The following TASP1 variants were observed in gnomAD, a reference collection of about 807,000 sequenced individuals.
TASP1 encodes the protein taspase 1.
In TASP1, 16 loss-of-function variants were observed where a neutral mutation model predicts 56.6. The observed-to-expected ratio is 0.28, with a 90% confidence interval of 0.19 to 0.43. The LOEUF (loss-of-function observed/expected upper bound fraction) is 0.43, where lower values mean the gene tolerates loss of function less well. TASP1 is among the 20% of genes least tolerant of loss of function. TASP1 has a pLI of 1.00. For synonymous variants in TASP1, 179 were observed against 184.2 expected (o/e 0.97, Z 0.23); for missense variants, 393 against 511.6 (o/e 0.77, Z 2.24).
chr20:13,241,729 C>A, the TASP1 span, among the ~76,000 whole-genome samples: 1 of 151,988 alleles, frequency 6.6e-6, no homozygotes, highest in East Asian at 1.9e-4. Flanking sequence ...GAAGGAAGGG[C>A]AGTTGGATTT....
chr20:13,554,253 T>C (rs556696239), intron 8 of TASP1, among the ~76,000 whole-genome samples: 4 of 152,304 alleles, frequency 2.6e-5, no homozygotes, highest in African/African-American at 9.6e-5. Flanking sequence ...TATTACTATG[T>C]GGCTACGGGC....
chr20:13,601,962 C>T (rs1428582320), intron 4 of TASP1, among the ~76,000 whole-genome samples: 1 of 149,604 alleles, frequency 6.7e-6, no homozygotes, highest in East Asian at 2.0e-4. Context: ...CTGCAAGCTC[C>T]GCCTCCTGGG....
At chr20:13,232,133 G>T in the TASP1 span, among the ~76,000 whole-genome samples, 1 of 152,146 alleles carries the variant, frequency 6.6e-6, no homozygotes, top group Non-Finnish European at 1.5e-5. Context: ...GAGAAGAGTG[G>T]CAGTCATTTT....
In TASP1 at chr20:13,630,021, C is replaced by G. The variant is rs771792627; in HGVS notation, c.58G>C (p.Val20Leu). The change falls in exon 2 of 14, where the codon GTT becomes CTT. Residue 20 changes from valine to leucine, a missense_variant. By Grantham distance (32) the Val-to-Leu change is conservative. This residue lies in a region of TASP1 where 52 missense variants were observed against 51.1 expected (regional missense o/e 1.02). Transcript: ENST00000337743. ...TTGGCTGTTATTTTACCAGCCGAAACCTGAGATGATCTGGAAGGCAGCCCT... is the reference window on the plus strand; with the variant it reads ...TTGGCTGTTATTTTACCAGCCGAAAGCTGAGATGATCTGGAAGGCAGCCCT... The part of the protein sequence containing the change: ...GEGLPSRSSQ[V>L]SAGKITAKEL... 1 of 1,613,998 alleles carries G rather than the reference C, an allele frequency of 6.2e-7. No individual in the cohort carries two copies. Among genetic ancestry groups the G allele is most frequent in the Admixed American group, 1.7e-5 (1 of 59,976 alleles).
chr20:13,486,416 A>G (rs2043320956), intron 10 of TASP1, among the ~76,000 whole-genome samples: 1 of 152,178 alleles, frequency 6.6e-6, no homozygotes, highest in South Asian at 2.1e-4. Context: ...TGACAAATGA[A>G]TGGATTAAAA....
chr20:13,462,561 C>A (rs528214337), intron 11 of TASP1, among the ~76,000 whole-genome samples: 2 of 152,180 alleles, frequency 1.3e-5, no homozygotes, highest in South Asian at 4.1e-4. Context: ...CAGCAGTGAC[C>A]AGTATTTTTG....
chr20:13,373,183 TCTC>T, the TASP1 span, among the ~76,000 whole-genome samples: 1 of 152,076 alleles, frequency 6.6e-6, no homozygotes, highest in Non-Finnish European at 1.5e-5. Flanking sequence ...CCTCCACCCA[TCTC>T]CTTTAAGTGG....
the TASP1 span, among the ~76,000 whole-genome samples, chr20:13,205,464 T>A: frequency 6.6e-6 from 1 of 152,186 alleles, no homozygotes; most frequent in African/African-American, 2.4e-5. Flanking sequence ...ATTTATTTCT[T>A]ACAGTTCTAA....
intron 4 of TASP1, among the ~76,000 whole-genome samples, chr20:13,619,644 G>A (rs948298551): frequency 2.0e-5 from 3 of 152,178 alleles, no homozygotes; most frequent in African/African-American, 4.8e-5. Context: ...TTAAATCCAC[G>A]TCACTACTTG....
At chr20:13,572,685 CAAAAAAAAAAA>C in intron 6 of TASP1, among the ~76,000 whole-genome samples, 2 of 84,062 alleles carry the variant, frequency 2.4e-5, no homozygotes, top group African/African-American at 9.2e-5. Flanking sequence ...GACTCCATCT[CAAAAAAAAAAA>C]AAAAAAAAAC....
chr20:13,591,609 G>T (rs1294715175), intron 4 of TASP1, among the ~76,000 whole-genome samples: 1 of 152,124 alleles, frequency 6.6e-6, no homozygotes, highest in Admixed American at 6.5e-5. Flanking sequence ...AAACAAAAAA[G>T]ACACCACATG....
At chr20:13,173,851 T>C in the TASP1 span, among the ~76,000 whole-genome samples, 1 of 152,202 alleles carries the variant, frequency 6.6e-6, no homozygotes, top group African/African-American at 2.4e-5. Context: ...GTCAACTCTT[T>C]GGTGAAATGC....
chr20:13,318,673 G>T, the TASP1 span, among the ~76,000 whole-genome samples: 1 of 152,310 alleles, frequency 6.6e-6, no homozygotes, highest in Non-Finnish European at 1.5e-5. Flanking sequence ...GCTAATAAGT[G>T]CTGGCTATCC....
chr20:13,114,034 G>T, the TASP1 span, among the ~76,000 whole-genome samples: 4 of 152,224 alleles, frequency 2.6e-5, no homozygotes, highest in African/African-American at 9.6e-5. Context: ...CCGAGATGAG[G>T]CAGAGCGGGG....
intron 4 of TASP1, among the ~76,000 whole-genome samples, chr20:13,613,364 G>A (rs955574531): frequency 6.6e-6 from 1 of 151,988 alleles, no homozygotes; most frequent in African/African-American, 2.4e-5. Flanking sequence ...TATTTCCAGG[G>A]AAGTTATATA....
At chr20:13,472,072 C>T (rs1292553438) in intron 11 of TASP1, among the ~76,000 whole-genome samples, 1 of 151,508 alleles carries the variant, frequency 6.6e-6, no homozygotes, top group Non-Finnish European at 1.5e-5. Context: ...GGAGGCATCA[C>T]ACTACCTGAC....
intron 13 of TASP1, among the ~76,000 whole-genome samples, chr20:13,404,991 A>G (rs1187217119): frequency 6.6e-6 from 1 of 152,144 alleles, no homozygotes; most frequent in Non-Finnish European, 1.5e-5. Flanking sequence ...AGCCAGATAC[A>G]CTTATTTAGT....
intron 8 of TASP1, among the ~76,000 whole-genome samples, chr20:13,547,040 G>C (rs1215851147): frequency 6.6e-6 from 1 of 152,104 alleles, no homozygotes; most frequent in Non-Finnish European, 1.5e-5. Context: ...CATTATATGG[G>C]TTTTCTCTTT....
intron 4 of TASP1, among the ~76,000 whole-genome samples, chr20:13,602,430 A>G (rs994063922): frequency 1.3e-5 from 2 of 152,228 alleles, no homozygotes; most frequent in Non-Finnish European, 2.9e-5. Flanking sequence ...CGAAGTATGG[A>G]TGTCAGTTAA....
Sources: allele counts gnomAD v4.1 joint callset (sites outside exome capture counted in the v4.1 genomes callset), GRCh38; gene constraint gnomAD v4.1.1; regional missense constraint gnomAD v4.1.1; transcripts MANE v1.5; gene names NCBI Gene and HGNC (gene_info 2026-07-23, HGNC 2026-07-21).